The following COL4A2 variants were observed in gnomAD, a reference collection of about 807,000 sequenced individuals.
The protein encoded by COL4A2 is collagen type IV alpha 2 chain.
COL4A2 carries 99 observed loss-of-function variants against 200.2 expected under a neutral mutation model. The observed-to-expected ratio is 0.49, with a 90% CI of 0.42 to 0.58. The LOEUF (loss-of-function observed/expected upper bound fraction) is 0.58, where lower values mean the gene tolerates loss of function less well. Ranked by LOEUF, COL4A2 falls within the 20% of genes least tolerant of loss-of-function variation. The pLI is 0.00. For synonymous variants in COL4A2, 897 were observed against 900.6 expected, an observed-to-expected ratio of 1.00 and a Z score of 0.07; for missense variants, 1,950 against 2,314.1, an observed-to-expected ratio of 0.84 and a Z score of 3.23.
chr13:110,417,712 G>C (rs1880096857), intron 4 of COL4A2, among the ~76,000 whole-genome samples: 1 of 152,190 alleles, frequency 6.6e-6, no homozygotes. Flanking sequence ...GCATCAGACA[G>C]TAAGTAGCAT....
chr13:110,432,308 TC>T lies in COL4A2; in HGVS notation c.649-16del. ...GGGTAAAGAAAACCATTTACACATTTCTTTGTATTTGTACAGGGACCACCTG... is the reference window on the plus strand; with the variant it reads ...GGGTAAAGAAAACCATTTACACATTTTTTGTATTTGTACAGGGACCACCTG... On this transcript the variant is annotated splice_polypyrimidine_tract_variant and intron_variant, in intron 10 of 47. Coordinates refer to ENST00000360467, the MANE Select transcript of COL4A2 (RefSeq NM_001846.4). 1 of 1,601,722 alleles carries T rather than the reference TC, an allele frequency of 6.2e-7. No individual in the cohort carries two copies. Among genetic ancestry groups the T allele is most frequent in the Non-Finnish European group, 8.5e-7 (1 of 1,176,052 alleles).
At position 110,412,648 on chromosome 13, in the gene COL4A2, C is replaced by A. The variant is rs553859426; in HGVS notation, c.181-12086C>A. Among the ~76,000 whole-genome samples, 7 of 152,362 alleles carry A rather than the reference C, an allele frequency of 4.6e-5. No homozygotes were observed. The South Asian group carries it at 1.2e-3, about 27-fold the overall frequency. ...CCCCTTCCCTCCATAACCTTTACGC[C>A]CCTGAGTCACAGTAGTTGCCCTGAA... is the stretch of plus-strand genomic sequence containing the variant. On this transcript the variant is annotated intron_variant, in intron 4 of 47. Transcript: ENST00000360467.
At position 110,503,452 on chromosome 13, in the gene COL4A2, A is replaced by G; in HGVS notation, c.4109A>G (p.Lys1370Arg). The G allele has an allele frequency of 6.4e-7, 1 of 1,573,946 alleles. No homozygotes were observed. The highest frequency in any genetic ancestry group is 1.3e-5 in the African/African-American group (1 of 74,172). ...PTGAVGDRGP[K>R]GPKGDPGFPG... is the part of the protein sequence containing the mutation. ...GGGGCGGTGGGCGACAGAGGCCCCAAGGGACCCAAGGGAGACCCAGGATTC... is the reference window on the plus strand; with the variant it reads ...GGGGCGGTGGGCGACAGAGGCCCCAGGGGACCCAAGGGAGACCCAGGATTC... Residue 1370 changes from lysine (K) to arginine (R), a missense_variant, in exon 43 of 48, where the codon AAG (lysine) becomes AGG (arginine). Lys to Arg is a conservative substitution (Grantham distance 26). Coordinates refer to ENST00000360467, the MANE Select transcript of COL4A2 (RefSeq NM_001846.4).
At position 110,493,388 on chromosome 13, in the gene COL4A2, G is replaced by A. The variant is rs564438462; in HGVS notation, c.3634+106G>A. On this transcript the variant is annotated intron_variant, in intron 39 of 47. Coordinates refer to ENST00000360467, the MANE Select transcript of COL4A2 (RefSeq NM_001846.4). ...TTCAGGGAATGGAGGGTCTCAGAGA[G>A]CAGGGTGGGCTTCCTGAAGTGCTAT... The A allele has an allele frequency of 2.8e-5, 35 of 1,239,898 alleles. No homozygotes were observed. In the South Asian group the frequency reaches 4.3e-4, roughly 15 times the overall value. The allele number at this position is 1,239,898 out of a possible 1,614,324, so 76.8% of individuals were successfully genotyped here.
At chr13:110,465,356 T>C (rs1253546299) in intron 24 of COL4A2, 49 bp from the exon 25 acceptor site, 1 of 1,542,336 alleles carries the variant, frequency 6.5e-7, no homozygotes, top group South Asian at 1.2e-5. Flanking sequence ...GTCGAGGCGA[T>C]CTTTAACATT....
chr13:110,492,308 G>A, intron 38 of COL4A2, 131 bp downstream of exon 38: 1 of 750,140 alleles, frequency 1.3e-6, no homozygotes, highest in South Asian at 1.7e-5. Context: ...GGTCTGCTGT[G>A]GCTTACGGTG....
At chr13:110,417,023 C>T (rs1053100600) in intron 4 of COL4A2, among the ~76,000 whole-genome samples, 5 of 151,776 alleles carry the variant, frequency 3.3e-5, no homozygotes, top group African/African-American at 9.7e-5. Context: ...ACTCTGTTGC[C>T]AGGCTGGAGT....
At chr13:110,457,731 G>A in intron 21 of COL4A2, 1 of 558,406 alleles carries the variant, frequency 1.8e-6, no homozygotes, top group South Asian at 1.5e-5. Flanking sequence ...TGGGTTAAAA[G>A]GGAAAACAGT....
chr13:110,420,373 G>T (rs1880201095), intron 4 of COL4A2, among the ~76,000 whole-genome samples: 1 of 152,170 alleles, frequency 6.6e-6, no homozygotes, highest in Non-Finnish European at 1.5e-5. Flanking sequence ...TCATTATCCT[G>T]TTTCTTAGGA....
chr13:110,448,059 C>T (rs902853417), intron 18 of COL4A2, among the ~76,000 whole-genome samples: 1 of 152,170 alleles, frequency 6.6e-6, no homozygotes, highest in African/African-American at 2.4e-5. Flanking sequence ...GAAATCCATG[C>T]TCAGCTTCCA....
chr13:110,318,714 G>A (rs1885207211), intron 3 of COL4A2, among the ~76,000 whole-genome samples: 1 of 152,194 alleles, frequency 6.6e-6, no homozygotes, highest in Non-Finnish European at 1.5e-5. Flanking sequence ...AGAGGAGCAA[G>A]AAGAAATTGG....
chr13:110,484,338 C>A (rs555857348), intron 32 of COL4A2, among the ~76,000 whole-genome samples: 138 of 152,270 alleles, frequency 9.1e-4, no homozygotes, highest in Non-Finnish European at 9.7e-4. Context: ...TTCACTTACT[C>A]CTCCAGTGAG....
Position 110,433,084 on chromosome 13 carries a change from C to T in COL4A2, c.684+724C>T, listed in dbSNP as rs539054705. ...GGAACGTTTCCTTTGCCCTGTGTCCCGATGGAGGACGTGCCAAGCCCACAC... is the reference window on the plus strand; with the variant it reads ...GGAACGTTTCCTTTGCCCTGTGTCCTGATGGAGGACGTGCCAAGCCCACAC... On this transcript the variant is annotated intron_variant, in intron 11 of 47. Coordinates refer to ENST00000360467, the MANE Select transcript of COL4A2 (RefSeq NM_001846.4). 5.0e-3 allele frequency among the ~76,000 whole-genome samples: 764 copies of T among 152,362 alleles called. 7 individuals are homozygous for T. The highest frequency in any genetic ancestry group is 0.017 in the African/African-American group (713 of 41,586).
At chr13:110,351,242 T>TGTTC (rs1434492906) in intron 3 of COL4A2, among the ~76,000 whole-genome samples, 5 of 151,694 alleles carry the variant, frequency 3.3e-5, no homozygotes, top group South Asian at 2.1e-4. Flanking sequence ...TTTGTTTGTT[T>TGTTC]GTTCGTTTGT....
In COL4A2 at chr13:110,462,268, C is replaced by A; in HGVS notation, c.1670-10C>A. On this transcript the variant is annotated splice_polypyrimidine_tract_variant and intron_variant, in intron 23 of 47. Coordinates refer to ENST00000360467, the MANE Select transcript of COL4A2 (RefSeq NM_001846.4). Reference sequence around the variant, plus strand: ...TGCCTGGGCAGCTTCACATGCAAATCCCTTTCTAGGTGAGCGGGGACAGCC... The same window carrying A: ...TGCCTGGGCAGCTTCACATGCAAATACCTTTCTAGGTGAGCGGGGACAGCC... 2.5e-6 allele frequency: 4 copies of A among 1,614,226 alleles called. No individual in the cohort carries two copies. The highest frequency in any genetic ancestry group is 3.4e-6 in the Non-Finnish European group (4 of 1,180,038).
At chr13:110,500,362 G>A (rs1011133426) in intron 40 of COL4A2, among the ~76,000 whole-genome samples, 5 of 152,156 alleles carry the variant, frequency 3.3e-5, no homozygotes, top group African/African-American at 7.2e-5. Context: ...TCCCCAGCCC[G>A]AGGTAAAACA....
chr13:110,311,853 C>T (rs1884993347), intron 3 of COL4A2, among the ~76,000 whole-genome samples: 2 of 152,224 alleles, frequency 1.3e-5, no homozygotes, highest in Admixed American at 6.5e-5. Flanking sequence ...TGCGGGGCCC[C>T]TGCCTGCCAC....
intron 4 of COL4A2, among the ~76,000 whole-genome samples, chr13:110,385,248 TGA>T (rs1160060370): frequency 6.7e-6 from 1 of 148,672 alleles, no homozygotes; most frequent in Non-Finnish European, 1.5e-5. Flanking sequence ...GGCAACAGAG[TGA>T]GACTCCGTCT....
intron 3 of COL4A2, among the ~76,000 whole-genome samples, chr13:110,325,042 A>G (rs35488904): frequency 0.16 from 23,658 of 152,222 alleles, 2,232 homozygotes; most frequent in Non-Finnish European, 0.21. Context: ...CAGCCTTCAC[A>G]TGCACAAGGA....
Sources: allele counts gnomAD v4.1 joint callset (sites outside exome capture counted in the v4.1 genomes callset), GRCh38; gene constraint gnomAD v4.1.1; transcripts MANE v1.5; gene names NCBI Gene and HGNC (gene_info 2026-07-23, HGNC 2026-07-21).